SLC7A7: variants seen among roughly 807,000 people sequenced by gnomAD.
SLC7A7 encodes the protein Y+L amino acid transporter 1.
Under a neutral mutation model 47.9 loss-of-function variants are expected in SLC7A7, and 39 were observed. The observed-to-expected ratio is 0.81, with a 90% CI of 0.63 to 1.06. SLC7A7 has a LOEUF of 1.06. Ranked by LOEUF, SLC7A7 falls within the 50% of genes least tolerant of loss-of-function variation. The pLI, the probability that SLC7A7 is intolerant of heterozygous loss-of-function variation, is 0.00. For missense variants in SLC7A7, 588 were observed against 632.0 expected (o/e 0.93, Z 0.75); for synonymous variants, 234 against 242.8 (o/e 0.96, Z 0.34).
intron 4 of SLC7A7, 77 bp downstream of exon 4, chr14:22,778,716 A>G: frequency 6.6e-7 from 1 of 1,504,436 alleles, no homozygotes; most frequent in Non-Finnish European, 9.1e-7. Flanking sequence ...TGGTTGTGGT[A>G]TGCTGTCTGG....
At chr14:22,802,982 A>G (rs1354898203) in intron 2 of SLC7A7, among the ~76,000 whole-genome samples, 1 of 151,714 alleles carries the variant, frequency 6.6e-6, no homozygotes, top group African/African-American at 2.4e-5. Context: ...TTCATTCAAC[A>G]TACAATTATT....
rs1320193160 is a variant in SLC7A7, at chr14:22,813,048, G to A, written c.351C>T (p.Phe117=). 6.2e-7 allele frequency: 1 copy of A among 1,614,014 alleles called. No individual in the cohort carries two copies. Among genetic ancestry groups the A allele is most frequent in the Admixed American group, 1.7e-5 (1 of 59,996 alleles). Residue 117 remains phenylalanine, a synonymous_variant, in exon 2 of 10, where the codon TTC becomes TTT. Coordinates refer to ENST00000674313, the MANE Select transcript of SLC7A7 (RefSeq NM_003982.4). ...ILEAFGGFLA[F]IRLWTSLLII... is the part of the protein sequence containing the mutation. The stretch of plus-strand genomic sequence containing the variant: ...TGAGCAGGGAGGTCCAGAGTCTGAT[G>A]AAAGCAAGGAATCCTCCAAAGGCCT...
At position 22,813,001 on chromosome 14, in the gene SLC7A7, G is replaced by C; in HGVS notation, c.398C>G (p.Ala133Gly). 2 of 1,614,032 alleles carry C rather than the reference G, an allele frequency of 1.2e-6. No homozygotes were observed. The highest frequency in any genetic ancestry group is 1.7e-6 in the Non-Finnish European group (2 of 1,180,012). ...SLLIIEPTSQ[A>G]IIAITFANYM... ...GTTGGCAAAGGTGATGGCAATGATG[G>C]CCTGGCTGGTGGGCTCAATGATGAG... The change falls in exon 2 of 10, where the codon GCC becomes GGC. Residue 133 changes from alanine (A) to glycine (G), a missense_variant. Ala to Gly is a moderately conservative substitution (Grantham distance 60, BLOSUM62 0). Coordinates refer to ENST00000674313, the MANE Select transcript of SLC7A7 (RefSeq NM_003982.4).
intron 2 of SLC7A7, among the ~76,000 whole-genome samples, chr14:22,801,776 AAAAAC>A (rs1174196572): frequency 2.0e-5 from 3 of 152,168 alleles, no homozygotes; most frequent in Non-Finnish European, 2.9e-5. Context: ...TCCGTCTCAA[AAAAAC>A]AAAACAAAAC....
At chr14:22,811,138 C>G (rs1181916490) in intron 2 of SLC7A7, among the ~76,000 whole-genome samples, 1 of 152,162 alleles carries the variant, frequency 6.6e-6, no homozygotes, top group Non-Finnish European at 1.5e-5. Flanking sequence ...CCACAGAAGA[C>G]AGCCAGTTCT....
chr14:22,815,215 G>C, intron 1 of SLC7A7, 105 bp downstream of exon 1: 1 of 379,496 alleles, frequency 2.6e-6, no homozygotes. Context: ...AGAGATGTTA[G>C]GGTGAGAGGC....
intron 7 of SLC7A7, 60 bp from the exon 8 acceptor site, chr14:22,774,563 A>G: frequency 1.2e-6 from 2 of 1,608,380 alleles, no homozygotes; most frequent in Non-Finnish European, 1.7e-6. Context: ...AAGGCTTTTC[A>G]CTCCCTTTAT....
intron 2 of SLC7A7, among the ~76,000 whole-genome samples, chr14:22,800,913 T>C (rs143723202): frequency 1.3e-5 from 2 of 152,082 alleles, no homozygotes; most frequent in African/African-American, 2.4e-5. Flanking sequence ...CACTCCAACC[T>C]GCACAACCGG....
rs144058237 is a variant in SLC7A7, at chr14:22,815,346, C to T, written c.-69G>A. The T allele has an allele frequency of 4.0e-5, 18 of 454,530 alleles. No individual in the cohort carries two copies. Among genetic ancestry groups the T allele is most frequent in the African/African-American group, 3.2e-4 (16 of 50,122 alleles). 28.2% of individuals were successfully genotyped at this position (454,530 alleles called of 1,614,324 possible). A position where few individuals can be genotyped will look rare whatever the true frequency, so the allele number is the denominator to read the frequency against. Reference sequence around the variant, plus strand: ...CCTTGGTCCTGGATATAAGCAGGTTCTCACGGCAGTGTGAGCAGCAGTCAG... The same window carrying T: ...CCTTGGTCCTGGATATAAGCAGGTTTTCACGGCAGTGTGAGCAGCAGTCAG... On this transcript the variant is annotated 5_prime_UTR_variant, in exon 1 of 10. Coordinates refer to ENST00000674313, the MANE Select transcript of SLC7A7 (RefSeq NM_003982.4).
intron 2 of SLC7A7, among the ~76,000 whole-genome samples, chr14:22,810,398 G>A (rs1160705044): frequency 6.7e-6 from 1 of 149,388 alleles, no homozygotes; most frequent in Non-Finnish European, 1.5e-5. Context: ...GGAGGCAGAG[G>A]TTGCGGTGAG....
In SLC7A7 at chr14:22,795,392, TTCTTTCTTTC is replaced by T. The variant is rs1347791998; in HGVS notation, c.500-15351_500-15342del. On this transcript the variant is annotated intron_variant, in intron 2 of 9. Transcript: ENST00000674313. ...TCTGAGTATTGCTTGCTTGCTTTCTTTCTTTCTTTCTTTCTTTCTTTCTTTCTTTCTTTCT... is the reference window on the plus strand; with the variant it reads ...TCTGAGTATTGCTTGCTTGCTTTCTTTTTCTTTCTTTCTTTCTTTCTTTCT... 1.2e-3 allele frequency among the ~76,000 whole-genome samples: 58 copies of T among 49,498 alleles called. 3 individuals carry two copies. Among genetic ancestry groups the T allele is most frequent in the Non-Finnish European group, 8.9e-5 (2 of 22,370 alleles). 32.5% of individuals were successfully genotyped at this position (49,498 alleles called of 152,430 possible).
At chr14:22,781,875 T>C (rs1408590478) in intron 2 of SLC7A7, among the ~76,000 whole-genome samples, 1 of 152,146 alleles carries the variant, frequency 6.6e-6, no homozygotes, top group East Asian at 1.9e-4. Flanking sequence ...AATACAAATT[T>C]ATGATTCCCT....
intron 2 of SLC7A7, among the ~76,000 whole-genome samples, chr14:22,784,206 A>G (rs1036334625): frequency 1.3e-5 from 2 of 152,160 alleles, no homozygotes; most frequent in African/African-American, 4.8e-5. Flanking sequence ...GGGCAATTCA[A>G]TCCCCACCCA....
intron 2 of SLC7A7, among the ~76,000 whole-genome samples, chr14:22,783,008 A>G (rs2038747777): frequency 6.6e-6 from 1 of 150,708 alleles, no homozygotes; most frequent in South Asian, 2.1e-4. Flanking sequence ...ATCTCAGCTC[A>G]CTGCAACCTC....
intron 2 of SLC7A7, among the ~76,000 whole-genome samples, chr14:22,786,850 C>T (rs748692832): frequency 1.3e-5 from 2 of 152,138 alleles, no homozygotes; most frequent in Non-Finnish European, 2.9e-5. Context: ...GCAGGGGGAT[C>T]GCTTGAGCCC....
intron 2 of SLC7A7, among the ~76,000 whole-genome samples, chr14:22,781,775 C>T (rs2038723763): frequency 6.6e-6 from 1 of 152,182 alleles, no homozygotes; most frequent in Admixed American, 6.5e-5. Context: ...GGCTCTGCGG[C>T]TGGCTCATAA....
At chr14:22,774,295 C>G (rs2038547290) in intron 8 of SLC7A7, 59 bp downstream of exon 8, 2 of 1,613,244 alleles carry the variant, frequency 1.2e-6, no homozygotes, top group African/African-American at 1.3e-5. Flanking sequence ...GTCATAGTCC[C>G]TTGTAGCAAC....
At chr14:22,804,682 G>A (rs1344727399) in intron 2 of SLC7A7, among the ~76,000 whole-genome samples, 1 of 152,128 alleles carries the variant, frequency 6.6e-6, no homozygotes, top group Non-Finnish European at 1.5e-5. Context: ...ACGTCAGTCA[G>A]AATGTCAATA....
At chr14:22,798,183 G>A (rs1306174916) in intron 2 of SLC7A7, among the ~76,000 whole-genome samples, 1 of 152,148 alleles carries the variant, frequency 6.6e-6, no homozygotes, top group Non-Finnish European at 1.5e-5. Flanking sequence ...TGTAATCCCA[G>A]CTACTCGGGA....
Sources: allele counts gnomAD v4.1 joint callset (sites outside exome capture counted in the v4.1 genomes callset), GRCh38; gene constraint gnomAD v4.1.1; transcripts MANE v1.5; gene names NCBI Gene and HGNC (gene_info 2026-07-23, HGNC 2026-07-21).